ATG5: variants seen among roughly 807,000 people sequenced by gnomAD.
ATG5 encodes the protein autophagy protein 5.
In ATG5, 14 loss-of-function variants were observed where a neutral mutation model predicts 36.5. The ratio of observed to expected loss-of-function variants is 0.38; its 90% CI spans 0.25 to 0.60. The LOEUF (loss-of-function observed/expected upper bound fraction) is 0.60. Among genes scored for constraint, ATG5 ranks in the 20% least tolerant of loss-of-function variants. ATG5 has a pLI of 0.60. For missense variants in ATG5, 195 were observed against 326.7 expected, an observed-to-expected ratio of 0.60 and a Z score of 3.11; for synonymous variants, 95 against 101.5, an observed-to-expected ratio of 0.94 and a Z score of 0.38.
chr6:106,220,700 C>T (rs1777213826), intron 6 of ATG5, among the ~76,000 whole-genome samples: 1 of 152,124 alleles, frequency 6.6e-6, no homozygotes, highest in African/African-American at 2.4e-5. Flanking sequence ...CCTAGTAATT[C>T]TGTTCTTAAC....
intron 6 of ATG5, among the ~76,000 whole-genome samples, chr6:106,243,081 A>T (rs1778189406): frequency 6.6e-6 from 1 of 152,136 alleles, no homozygotes; most frequent in Non-Finnish European, 1.5e-5. Context: ...CCTAGTTTCC[A>T]TTTTCAAAAA....
intron 2 of ATG5, among the ~76,000 whole-genome samples, chr6:106,309,647 G>C (rs1770575946): frequency 1.3e-5 from 2 of 152,108 alleles, no homozygotes; most frequent in Non-Finnish European, 2.9e-5. Flanking sequence ...TATCGCCCCT[G>C]TTTTAAATAA....
At chr6:106,230,658 G>C (rs1036065242) in intron 6 of ATG5, among the ~76,000 whole-genome samples, 4 of 152,050 alleles carry the variant, frequency 2.6e-5, no homozygotes, top group African/African-American at 9.7e-5. Flanking sequence ...TCTTTTTTCA[G>C]ATAGGAAACG....
At chr6:106,228,647 G>A (rs1334329712) in intron 6 of ATG5, among the ~76,000 whole-genome samples, 1 of 152,060 alleles carries the variant, frequency 6.6e-6, no homozygotes, top group East Asian at 1.9e-4. Context: ...ACAATTTGGC[G>A]ACCACAAAGG....
At chr6:106,233,009 C>T (rs1026155492) in intron 6 of ATG5, among the ~76,000 whole-genome samples, 5 of 152,160 alleles carry the variant, frequency 3.3e-5, no homozygotes, top group Admixed American at 6.5e-5. Flanking sequence ...AGACTTGAGC[C>T]GGTTCTCATA....
Position 106,186,439 on chromosome 6 carries a change from C to T in ATG5, c.*101G>A. On this transcript the variant is annotated 3_prime_UTR_variant, in exon 8 of 8. Coordinates refer to ENST00000369076, the MANE Select transcript of ATG5 (RefSeq NM_004849.4). Reference sequence around the variant, plus strand: ...TCTGGCTTGCAGCAGCGAAGTGTTTCTGGTCAGGTTGCCTCCACCAAACCT... The same window carrying T: ...TCTGGCTTGCAGCAGCGAAGTGTTTTTGGTCAGGTTGCCTCCACCAAACCT... The T allele has an allele frequency of 7.2e-7, 1 of 1,384,024 alleles. No homozygotes were observed. The highest frequency in any genetic ancestry group is 1.9e-5 in the Admixed American group (1 of 52,370). The allele number at this position is 1,384,024 out of a possible 1,614,324, so 85.7% of individuals were successfully genotyped here.
chr6:106,218,653 T>C (rs1777131256), intron 6 of ATG5, among the ~76,000 whole-genome samples: 1 of 152,136 alleles, frequency 6.6e-6, no homozygotes, highest in African/African-American at 2.4e-5. Flanking sequence ...ATATGAAGCA[T>C]CCGCAGCTAA....
intron 1 of ATG5, among the ~76,000 whole-genome samples, chr6:106,321,177 C>A (rs1344879159): frequency 6.6e-6 from 1 of 152,184 alleles, no homozygotes; most frequent in Admixed American, 6.5e-5. Context: ...CTTTGACTCT[C>A]ATATTTGTAA....
At chr6:106,323,108 T>C (rs1345199450) in intron 1 of ATG5, among the ~76,000 whole-genome samples, 1 of 151,918 alleles carries the variant, frequency 6.6e-6, no homozygotes, top group African/African-American at 2.4e-5. Flanking sequence ...TGTTTGTTTT[T>C]TTGTATTTTT....
At position 106,185,496 on chromosome 6, in the gene ATG5, A is replaced by T. The variant is rs1775731986; in HGVS notation, c.*1044T>A. The T allele has an allele frequency of 6.6e-6, 1 of 152,356 alleles. No individual in the cohort carries two copies. Among genetic ancestry groups the T allele is most frequent in the Non-Finnish European group, 1.5e-5 (1 of 68,038 alleles). 9.4% of individuals were successfully genotyped at this position (152,356 alleles called of 1,614,324 possible). A position where few individuals can be genotyped will look rare whatever the true frequency, so the allele number is the denominator to read the frequency against. ...GTAACCTCTGGATATTTTTGGTAAAAATTAAAGAAAAGGTACTGCAGTCAA... is the reference window on the plus strand; with the variant it reads ...GTAACCTCTGGATATTTTTGGTAAATATTAAAGAAAAGGTACTGCAGTCAA... On this transcript the variant is annotated 3_prime_UTR_variant, in exon 8 of 8. Coordinates refer to ENST00000369076, the MANE Select transcript of ATG5 (RefSeq NM_004849.4).
At chr6:106,264,542 G>C (rs766218545) in intron 5 of ATG5, among the ~76,000 whole-genome samples, 5 of 152,124 alleles carry the variant, frequency 3.3e-5, no homozygotes, top group Non-Finnish European at 4.4e-5. Context: ...ATAATCATCA[G>C]ATTCTCTAAG....
At chr6:106,322,399 A>C (rs1361030381) in intron 1 of ATG5, among the ~76,000 whole-genome samples, 2 of 152,240 alleles carry the variant, frequency 1.3e-5, no homozygotes, top group African/African-American at 4.8e-5. Context: ...GCGTGTAAAC[A>C]GAAAAAAAAT....
intron 7 of ATG5, among the ~76,000 whole-genome samples, chr6:106,188,296 G>A (rs765195827): frequency 7.2e-5 from 11 of 151,878 alleles, no homozygotes; most frequent in Non-Finnish European, 1.2e-4. Flanking sequence ...AAACATTTCC[G>A]GTATAATTCT....
chr6:106,237,494 G>A (rs1199443456), intron 6 of ATG5, among the ~76,000 whole-genome samples: 2 of 152,124 alleles, frequency 1.3e-5, no homozygotes, highest in African/African-American at 4.8e-5. Flanking sequence ...GCTGTCCTTT[G>A]TCTGGTCATT....
intron 3 of ATG5, among the ~76,000 whole-genome samples, chr6:106,300,158 T>G (rs979180493): frequency 1.3e-5 from 2 of 152,332 alleles, no homozygotes; most frequent in East Asian, 3.9e-4. Flanking sequence ...AATACATTGT[T>G]AACTCCTTTA....
chr6:106,280,712 T>C (rs1054279638), intron 4 of ATG5, among the ~76,000 whole-genome samples: 9 of 152,156 alleles, frequency 5.9e-5, no homozygotes, highest in African/African-American at 2.2e-4. Context: ...TTATCTTATT[T>C]AATCCTAACA....
chr6:106,202,907 C>T (rs761658899), intron 6 of ATG5, among the ~76,000 whole-genome samples: 1 of 152,202 alleles, frequency 6.6e-6, no homozygotes, highest in Non-Finnish European at 1.5e-5. Context: ...AGGCAATCTG[C>T]CGGCTTCGGC....
intron 6 of ATG5, among the ~76,000 whole-genome samples, chr6:106,220,186 C>T (rs1777188044): frequency 6.6e-6 from 1 of 152,054 alleles, no homozygotes; most frequent in African/African-American, 2.4e-5. Flanking sequence ...AAGCAATCTG[C>T]AAAAGAAGCA....
intron 1 of ATG5, among the ~76,000 whole-genome samples, chr6:106,323,967 C>T (rs73761683): frequency 0.021 from 3,209 of 152,234 alleles, 99 homozygotes; most frequent in African/African-American, 0.073. Context: ...GCTTCAGTGG[C>T]AGCTCCTTCC....
Sources: allele counts gnomAD v4.1 joint callset (sites outside exome capture counted in the v4.1 genomes callset), GRCh38; gene constraint gnomAD v4.1.1; transcripts MANE v1.5; gene names NCBI Gene and HGNC (gene_info 2026-07-23, HGNC 2026-07-21).